CNTNAP5: variants seen among roughly 807,000 people sequenced by gnomAD.
CNTNAP5 encodes the protein contactin-associated protein-like 5.
A neutral mutation model predicts 150.2 loss-of-function variants in CNTNAP5; 72 were observed. The ratio of observed to expected loss-of-function variants is 0.48; its 90% CI spans 0.40 to 0.58. The LOEUF is 0.58. CNTNAP5 is among the 20% of genes least tolerant of loss of function. The pLI is 0.00. For missense variants in CNTNAP5, 1,636 were observed against 1,626.2 expected (o/e 1.01, Z -0.10); for synonymous variants, 672 against 619.8 (o/e 1.08, Z -1.25).
intron 1 of CNTNAP5, among the ~76,000 whole-genome samples, chr2:124,108,441 G>C (rs1012275967): frequency 6.6e-6 from 1 of 152,012 alleles, no homozygotes; most frequent in South Asian, 2.1e-4. Context: ...AATAGAAGAC[G>C]AGCAGCCCGG....
intron 17 of CNTNAP5, among the ~76,000 whole-genome samples, chr2:124,784,526 T>C (rs929361736): frequency 8.5e-5 from 13 of 152,102 alleles, no homozygotes; most frequent in African/African-American, 2.7e-4. Context: ...AACTGAAGAG[T>C]ATCATACAAA....
intron 13 of CNTNAP5, among the ~76,000 whole-genome samples, chr2:124,713,567 G>T (rs551316815): frequency 4.0e-4 from 60 of 151,698 alleles, no homozygotes; most frequent in African/African-American, 1.3e-3. Context: ...GTAGAGACAG[G>T]GTTTCACTAT....
At chr2:124,691,605 G>A (rs1438131022) in intron 13 of CNTNAP5, among the ~76,000 whole-genome samples, 1 of 152,060 alleles carries the variant, frequency 6.6e-6, no homozygotes, top group Non-Finnish European at 1.5e-5. Flanking sequence ...CAAAGAGGAA[G>A]ATGCTTCTGT....
chr2:124,585,554 AG>A (rs906868048), intron 11 of CNTNAP5, among the ~76,000 whole-genome samples: 1 of 150,686 alleles, frequency 6.6e-6, no homozygotes, highest in African/African-American at 2.4e-5. Flanking sequence ...TCTTACAGGG[AG>A]GGGAAGAAAA....
intron 3 of CNTNAP5, among the ~76,000 whole-genome samples, chr2:124,245,028 AT>A (rs914464107): frequency 4.6e-5 from 7 of 152,044 alleles, no homozygotes; most frequent in African/African-American, 1.7e-4. Context: ...ACACTGATTT[AT>A]TTTTTATTTT....
intron 13 of CNTNAP5, among the ~76,000 whole-genome samples, chr2:124,718,204 A>C (rs141149867): frequency 3.3e-4 from 50 of 152,338 alleles, no homozygotes; most frequent in African/African-American, 1.2e-3. Context: ...AATTATAAAA[A>C]ATATAAAAAT....
At chr2:124,608,523 C>T (rs892896010) in intron 11 of CNTNAP5, among the ~76,000 whole-genome samples, 5 of 152,146 alleles carry the variant, frequency 3.3e-5, no homozygotes, top group Non-Finnish European at 7.3e-5. Context: ...TGGTTCCATC[C>T]TCTGGTGGCA....
At chr2:124,510,301 C>CTATATATATATATATATATCTA (rs368230554) in intron 8 of CNTNAP5, among the ~76,000 whole-genome samples, 5 of 106,054 alleles carry the variant, frequency 4.7e-5, no homozygotes, top group Admixed American at 1.2e-4. Context: ...ATCTATATAT[C>CTATATATATATATATATATCTA]TATATATATA....
At chr2:124,248,948 A>G (rs954642529) in intron 3 of CNTNAP5, among the ~76,000 whole-genome samples, 1 of 152,192 alleles carries the variant, frequency 6.6e-6, no homozygotes, top group African/African-American at 2.4e-5. Flanking sequence ...AATTAATCTT[A>G]TTGTTAAGGT....
intron 2 of CNTNAP5, among the ~76,000 whole-genome samples, chr2:124,230,869 T>A (rs1246358552): frequency 2.6e-5 from 4 of 152,124 alleles, no homozygotes; most frequent in Non-Finnish European, 4.4e-5. Context: ...TATACAGAAA[T>A]GGGTCAGTGG....
intron 11 of CNTNAP5, among the ~76,000 whole-genome samples, chr2:124,577,994 A>G (rs1696328604): frequency 6.6e-6 from 1 of 151,948 alleles, no homozygotes; most frequent in African/African-American, 2.4e-5. Context: ...CAATGGTCAC[A>G]TTGTTATCCT....
At chr2:124,721,574 C>A (rs1202086491) in intron 13 of CNTNAP5, among the ~76,000 whole-genome samples, 4 of 151,430 alleles carry the variant, frequency 2.6e-5, no homozygotes, top group Non-Finnish European at 4.4e-5. Context: ...CAGAAGCAGA[C>A]AAATAGACAT....
intron 12 of CNTNAP5, among the ~76,000 whole-genome samples, chr2:124,644,539 A>C (rs1678164255): frequency 6.6e-6 from 1 of 152,260 alleles, no homozygotes; most frequent in African/African-American, 2.4e-5. Context: ...ATGTATGAAC[A>C]ATCAGATGAA....
chr2:124,491,856 C>T (rs143815826), intron 7 of CNTNAP5, among the ~76,000 whole-genome samples: 7 of 151,936 alleles, frequency 4.6e-5, no homozygotes, highest in Admixed American at 6.6e-5. Flanking sequence ...TTTCCCTAAA[C>T]GATTAACAAT....
chr2:124,421,264 G>T (rs1692097156), intron 4 of CNTNAP5, among the ~76,000 whole-genome samples: 1 of 152,124 alleles, frequency 6.6e-6, no homozygotes, highest in Non-Finnish European at 1.5e-5. Context: ...TCCACTTAAA[G>T]TATAGTAGAT....
chr2:124,856,234 A>T (rs1042236121), intron 19 of CNTNAP5, among the ~76,000 whole-genome samples: 1 of 152,116 alleles, frequency 6.6e-6, no homozygotes, highest in Non-Finnish European at 1.5e-5. Flanking sequence ...TTAATCTGCT[A>T]GTTGATTGAT....
intron 12 of CNTNAP5, among the ~76,000 whole-genome samples, chr2:124,611,574 A>G (rs979113188): frequency 6.6e-6 from 1 of 152,172 alleles, no homozygotes; most frequent in African/African-American, 2.4e-5. Flanking sequence ...TTCTCAGTGG[A>G]TCTCGGTTAT....
chr2:124,869,892 A>G (rs992878685), intron 21 of CNTNAP5, 130 bp downstream of exon 21: 2 of 487,512 alleles, frequency 4.1e-6, no homozygotes, highest in Admixed American at 3.5e-5. Context: ...TCTGAAACCA[A>G]GATTTCTTAT....
chr2:124,547,053 C>T (rs968390179), intron 10 of CNTNAP5, among the ~76,000 whole-genome samples: 3 of 152,038 alleles, frequency 2.0e-5, no homozygotes, highest in African/African-American at 7.2e-5. Context: ...TCTGTCTTTC[C>T]CCTGTCAAAC....
Sources: allele counts gnomAD v4.1 joint callset (sites outside exome capture counted in the v4.1 genomes callset), GRCh38; gene constraint gnomAD v4.1.1; transcripts MANE v1.5; gene names NCBI Gene and HGNC (gene_info 2026-07-23, HGNC 2026-07-21).